EXOC6B: variants seen among roughly 807,000 people sequenced by gnomAD.
The protein encoded by EXOC6B is exocyst complex component 6B, also known as SEC15 homolog B.
In EXOC6B, 54 loss-of-function variants were observed where a neutral mutation model predicts 113.5. The observed-to-expected ratio is 0.48, with a 90% CI of 0.38 to 0.60. EXOC6B has a LOEUF of 0.60. Among genes scored for constraint, EXOC6B ranks in the 20% least tolerant of loss-of-function variants. The pLI is 0.00. For missense variants in EXOC6B, 797 were observed against 977.5 expected (o/e 0.82, Z 2.46); for synonymous variants, 357 against 339.0 (o/e 1.05, Z -0.58).
chr2:72,655,754 T>C (rs1430439971), intron 6 of EXOC6B, among the ~76,000 whole-genome samples: 1 of 152,124 alleles, frequency 6.6e-6, no homozygotes, highest in Non-Finnish European at 1.5e-5. Context: ...AATTACAAAT[T>C]GCACTTTTAG....
In EXOC6B at chr2:72,524,158, A is replaced by AC. The variant is rs200015235; in HGVS notation, c.916-9033_916-9032insG. Among the ~76,000 whole-genome samples the AC allele has an allele frequency of 5.0e-4, 76 of 151,940 alleles. 1 individual carries two copies. The highest frequency in any genetic ancestry group is 1.7e-3 in the African/African-American group (70 of 41,374). ...CAGGTTTATACAGAGTTTAAAAAAA[A>AC]AAAAAAAAAAAAACTGAAAGGGCCA... is the stretch of plus-strand genomic sequence containing the variant. On this transcript the variant is annotated intron_variant, in intron 8 of 21. Transcript: ENST00000272427.
At chr2:72,591,242 T>G (rs930841729) in intron 6 of EXOC6B, among the ~76,000 whole-genome samples, 2 of 152,140 alleles carry the variant, frequency 1.3e-5, no homozygotes, top group Non-Finnish European at 2.9e-5. Context: ...AAGCTAGTGA[T>G]GTTTGTTTCA....
At chr2:72,551,732 G>C (rs1465051545) in intron 8 of EXOC6B, among the ~76,000 whole-genome samples, 2 of 151,668 alleles carry the variant, frequency 1.3e-5, no homozygotes, top group Admixed American at 1.3e-4. Context: ...TCCTGACCTA[G>C]TGATCCGCCC....
chr2:72,457,777 G>T (rs1421773699), intron 18 of EXOC6B, among the ~76,000 whole-genome samples: 1 of 152,024 alleles, frequency 6.6e-6, no homozygotes, highest in Non-Finnish European at 1.5e-5. Context: ...CCTAAATGTG[G>T]AAAATATTAT....
At chr2:72,322,421 CA>C (rs1687888223) in intron 20 of EXOC6B, among the ~76,000 whole-genome samples, 2 of 152,016 alleles carry the variant, frequency 1.3e-5, no homozygotes. Context: ...TATTTGGGGA[CA>C]AAGGGATGGG....
chr2:72,604,540 G>A (rs1670631174), intron 6 of EXOC6B, among the ~76,000 whole-genome samples: 1 of 152,132 alleles, frequency 6.6e-6, no homozygotes, highest in Non-Finnish European at 1.5e-5. Flanking sequence ...TATAGAAGAG[G>A]AAACTAAAGT....
At chr2:72,697,151 T>C (rs191941869) in intron 6 of EXOC6B, among the ~76,000 whole-genome samples, 2 of 150,668 alleles carry the variant, frequency 1.3e-5, no homozygotes, top group African/African-American at 5.0e-5. Context: ...TAGATATAGA[T>C]ATGGGGTATA....
chr2:72,401,582 C>CATATATATATATACAT lies in EXOC6B; in HGVS notation c.1981-21713_1981-21712insATGTATATATATATAT, dbSNP rs1693249368. Among the ~76,000 whole-genome samples the CATATATATATATACAT allele has an allele frequency of 1.1e-4, 2 of 18,452 alleles. 1 individual carries two copies. The highest frequency in any genetic ancestry group is 1.9e-4 in the Non-Finnish European group (2 of 10,608). 12.1% of individuals were successfully genotyped at this position (18,452 alleles called of 152,430 possible). A position where few individuals can be genotyped will look rare whatever the true frequency, so the allele number is the denominator to read the frequency against. ...ATATATATACATATATATATATATA[C>CATATATATATATACAT]ATATATATATATATATATATGTGTA... On this transcript the variant is annotated intron_variant, in intron 18 of 21. Coordinates refer to ENST00000272427, the MANE Select transcript of EXOC6B (RefSeq NM_015189.3).
At chr2:72,180,637 T>C (rs868824404) in intron 21 of EXOC6B, among the ~76,000 whole-genome samples, 1 of 152,142 alleles carries the variant, frequency 6.6e-6, no homozygotes, top group Admixed American at 6.5e-5. Flanking sequence ...GGAAGGAACA[T>C]GGCACCGGGC....
intron 20 of EXOC6B, among the ~76,000 whole-genome samples, chr2:72,306,537 T>C (rs1490269682): frequency 6.6e-6 from 1 of 152,260 alleles, no homozygotes; most frequent in East Asian, 1.9e-4. Context: ...AACTGTTAGA[T>C]ATTTGTAATG....
chr2:72,265,881 G>T (rs903012070), intron 20 of EXOC6B, among the ~76,000 whole-genome samples: 3 of 152,200 alleles, frequency 2.0e-5, no homozygotes, highest in East Asian at 1.9e-4. Context: ...CAGTGTAAAA[G>T]TGTTCCTATT....
chr2:72,215,166 T>C (rs191361394), intron 20 of EXOC6B, among the ~76,000 whole-genome samples: 81 of 152,270 alleles, frequency 5.3e-4, no homozygotes, highest in Middle Eastern at 3.4e-3. Context: ...AAGGGACACT[T>C]CTCTTGGCAG....
At chr2:72,515,663 C>T (rs1701175616) in intron 8 of EXOC6B, 4 of 988,942 alleles carry the variant, frequency 4.0e-6, no homozygotes, top group South Asian at 4.6e-5. Context: ...TCCTGGTGCA[C>T]AGCCCCACTT....
At chr2:72,424,977 T>C (rs1220989801) in intron 18 of EXOC6B, among the ~76,000 whole-genome samples, 1 of 152,180 alleles carries the variant, frequency 6.6e-6, no homozygotes, top group Non-Finnish European at 1.5e-5. Flanking sequence ...TTCCTGAATC[T>C]CTCCCTTCTC....
intron 6 of EXOC6B, among the ~76,000 whole-genome samples, chr2:72,667,873 G>A (rs1324622953): frequency 2.6e-5 from 4 of 152,170 alleles, no homozygotes; most frequent in Non-Finnish European, 5.9e-5. Context: ...ATTGACAAGT[G>A]TGACCTAGTT....
chr2:72,238,974 C>T (rs144690117), intron 20 of EXOC6B, among the ~76,000 whole-genome samples: 192 of 152,290 alleles, frequency 1.3e-3, no homozygotes, highest in African/African-American at 4.5e-3. Flanking sequence ...TCACAGCTCA[C>T]TGCAGCCTCA....
intron 7 of EXOC6B, among the ~76,000 whole-genome samples, chr2:72,573,807 C>A (rs557631669): frequency 2.6e-5 from 4 of 151,910 alleles, no homozygotes; most frequent in Non-Finnish European, 5.9e-5. Context: ...AATAATGAAA[C>A]GTATATAAAA....
intron 6 of EXOC6B, among the ~76,000 whole-genome samples, chr2:72,683,287 C>T (rs972448740): frequency 2.0e-5 from 3 of 151,888 alleles, no homozygotes; most frequent in African/African-American, 7.3e-5. Context: ...ATAGCAGATG[C>T]TCAAAAAGTG....
chr2:72,424,442 T>G (rs146435073), intron 18 of EXOC6B, among the ~76,000 whole-genome samples: 44 of 152,262 alleles, frequency 2.9e-4, no homozygotes, highest in African/African-American at 1.0e-3. Context: ...TCTCCCAATT[T>G]TTATCCATAA....
Sources: allele counts gnomAD v4.1 joint callset (sites outside exome capture counted in the v4.1 genomes callset), GRCh38; gene constraint gnomAD v4.1.1; transcripts MANE v1.5; gene names NCBI Gene and HGNC (gene_info 2026-07-23, HGNC 2026-07-21).